Variants in COG6 observed in about 807,000 individuals in gnomAD.
COG6 encodes conserved oligomeric Golgi complex subunit 6.
A neutral mutation model predicts 88.8 loss-of-function variants in COG6; 74 were observed. The observed-to-expected ratio is 0.83, with a 90% confidence interval of 0.69 to 1.01. COG6 has a LOEUF of 1.01. Among genes scored for constraint, COG6 ranks in the 50% least tolerant of loss-of-function variants. COG6 has a pLI of 0.00. For synonymous variants in COG6, 286 were observed against 278.7 expected (o/e 1.03, Z -0.26); for missense variants, 800 against 797.9 (o/e 1.00, Z -0.03).
downstream of COG6, among the ~76,000 whole-genome samples, chr13:39,755,310 A>C (rs528176126): frequency 2.0e-5 from 3 of 152,286 alleles, no homozygotes; most frequent in East Asian, 5.8e-4. Context: ...CATTCATGGT[A>C]TGGGAAAGAG....
intron 13 of COG6, among the ~76,000 whole-genome samples, chr13:39,700,916 G>A (rs530858361): frequency 6.6e-6 from 1 of 151,990 alleles, no homozygotes; most frequent in South Asian, 2.1e-4. Flanking sequence ...GGAAAGGAGT[G>A]CATAGAGGTC....
At chr13:39,760,767 T>C (rs1369448166) in intron 18 of COG6, among the ~76,000 whole-genome samples, 1 of 152,078 alleles carries the variant, frequency 6.6e-6, no homozygotes, top group Non-Finnish European at 1.5e-5. Context: ...TCTTTCTGTG[T>C]GTGATAATGG....
At chr13:39,783,119 T>G (rs1881678015) in intron 18 of COG6, among the ~76,000 whole-genome samples, 1 of 152,188 alleles carries the variant, frequency 6.6e-6, no homozygotes, top group South Asian at 2.1e-4. Flanking sequence ...GAAGAATGTA[T>G]TAGTAAAGCT....
intron 18 of COG6, among the ~76,000 whole-genome samples, chr13:39,785,709 TG>T (rs1881752965): frequency 6.6e-6 from 1 of 152,228 alleles, no homozygotes; most frequent in African/African-American, 2.4e-5. Flanking sequence ...TTAATATTTT[TG>T]ATAGGGCATT....
intron 13 of COG6, 113 bp from the exon 14 acceptor site, chr13:39,719,123 G>A: frequency 1.0e-6 from 1 of 974,012 alleles, no homozygotes; most frequent in Admixed American, 1.9e-5. Flanking sequence ...GGTTTCTAAT[G>A]TGTGAGTCTG....
intron 18 of COG6, among the ~76,000 whole-genome samples, chr13:39,784,267 G>A (rs6563750): frequency 0.05 from 7,656 of 152,226 alleles, 632 homozygotes; most frequent in African/African-American, 0.17. Context: ...TGCAGAACCC[G>A]TCAGGAGAAC....
At chr13:39,730,036 T>G (rs1879349975) in intron 18 of COG6, among the ~76,000 whole-genome samples, 1 of 152,218 alleles carries the variant, frequency 6.6e-6, no homozygotes, top group Non-Finnish European at 1.5e-5. Context: ...TATTTTAGTT[T>G]CTCCTTTACT....
rs749536153 is a variant in COG6, at chr13:39,687,743, C to G, written c.953C>G (p.Ala318Gly). 1.7e-5 allele frequency: 27 copies of G among 1,614,044 alleles called. No individual in the cohort carries two copies. The East Asian group carries it at 3.8e-4, about 23-fold the overall frequency. The change falls in exon 10 of 19, where the codon GCT (alanine) becomes GGT (glycine). Residue 318 changes from alanine (A) to glycine (G), a missense_variant. By Grantham distance (60) the Ala-to-Gly change is moderately conservative. Coordinates refer to ENST00000455146, the MANE Select transcript of COG6 (RefSeq NM_020751.3). ...VGDMLAWLHQ[A>G]TASEKEHLEA... ...GATATGTTGGCTTGGCTCCATCAAG[C>G]TACTGCTTCTGAAAAGGAACACCTT...
intron 3 of COG6, among the ~76,000 whole-genome samples, chr13:39,662,397 G>T (rs1289727275): frequency 6.6e-6 from 1 of 151,996 alleles, no homozygotes; most frequent in African/African-American, 2.4e-5. Context: ...AAAGTGCTGG[G>T]ATTACAGACA....
At chr13:39,764,492 A>G (rs1172378541) in intron 18 of COG6, among the ~76,000 whole-genome samples, 2 of 151,678 alleles carry the variant, frequency 1.3e-5, no homozygotes, top group Middle Eastern at 3.2e-3. Flanking sequence ...GTATTCATTT[A>G]AATATATTTA....
intron 18 of COG6, among the ~76,000 whole-genome samples, chr13:39,783,967 G>T (rs1246366178): frequency 1.3e-5 from 2 of 152,188 alleles, no homozygotes; most frequent in African/African-American, 2.4e-5. Flanking sequence ...AAGCTAGGCT[G>T]GAAGTGGCCC....
At position 39,655,821 on chromosome 13, in the gene COG6, G is replaced by T. The variant is rs576575818; in HGVS notation, c.95G>T (p.Cys32Phe). 8.1e-6 allele frequency: 13 copies of T among 1,602,430 alleles called. No homozygotes were observed. In the Admixed American group the frequency reaches 1.4e-4, roughly 17 times the overall value. ...GCAGGCGGGACCTCGGCGACGACCT[G>T]CAACCCGCTGTCGCGCAAGCTGCAT... ...NGAGGTSATT[C>F]NPLSRKLHKI... The change falls in exon 1 of 19, where the codon TGC becomes TTC. Residue 32 changes from cysteine to phenylalanine, a missense_variant. Coordinates refer to ENST00000455146, the MANE Select transcript of COG6 (RefSeq NM_020751.3).
At chr13:39,669,334 G>T (rs1257801959) in intron 4 of COG6, among the ~76,000 whole-genome samples, 1 of 152,214 alleles carries the variant, frequency 6.6e-6, no homozygotes, top group Non-Finnish European at 1.5e-5. Flanking sequence ...TGAAAATTGT[G>T]ATTAAAACTA....
intron 13 of COG6, among the ~76,000 whole-genome samples, chr13:39,715,635 T>C (rs889670079): frequency 5.3e-5 from 8 of 152,092 alleles, no homozygotes; most frequent in African/African-American, 1.9e-4. Context: ...ATATATGGAA[T>C]AGCTTTATAT....
chr13:39,690,398 A>G (rs1876915075), intron 11 of COG6, among the ~76,000 whole-genome samples: 1 of 152,014 alleles, frequency 6.6e-6, no homozygotes, highest in South Asian at 2.1e-4. Context: ...GGACCTGTAT[A>G]TTAAAACACC....
intron 2 of COG6, among the ~76,000 whole-genome samples, chr13:39,660,594 C>T (rs1364803502): frequency 6.6e-6 from 1 of 152,194 alleles, no homozygotes; most frequent in Non-Finnish European, 1.5e-5. Flanking sequence ...TTCCTGCGGT[C>T]ATATTCTCTA....
chr13:39,787,216 C>A (rs953192775), intron 18 of COG6, among the ~76,000 whole-genome samples: 2 of 152,088 alleles, frequency 1.3e-5, no homozygotes, highest in African/African-American at 4.8e-5. Flanking sequence ...AAAGCCAGTT[C>A]CAGGCAAGAT....
chr13:39,659,253 T>G, intron 1 of COG6, 111 bp from the exon 2 acceptor site: 1 of 1,006,078 alleles, frequency 9.9e-7, no homozygotes, highest in Non-Finnish European at 1.5e-6. Context: ...ATTTTTCGGA[T>G]TGGTTAATGA....
At chr13:39,687,898 C>A (rs1207022114) in intron 10 of COG6, 99 bp downstream of exon 10, 1 of 807,354 alleles carries the variant, frequency 1.2e-6, no homozygotes, top group Non-Finnish European at 2.1e-6. Flanking sequence ...TAGATAAACA[C>A]CTTGATGGTA....
Sources: gnomAD v4.1 joint callset for allele counts (sites outside exome capture counted in the v4.1 genomes callset) on GRCh38, gnomAD v4.1.1 for gene constraint, MANE v1.5 for transcripts, NCBI Gene and HGNC (gene_info 2026-07-23, HGNC 2026-07-21) for gene names.